STX16: variants seen among roughly 807,000 people sequenced by gnomAD.
STX16 encodes the protein syntaxin 16.
STX16 carries 28 observed loss-of-function variants against 42.7 expected under a neutral mutation model. That is an observed-to-expected ratio of 0.66 (90% CI 0.49 to 0.90). The LOEUF (loss-of-function observed/expected upper bound fraction) is 0.90, where lower values mean the gene tolerates loss of function less well. Ranked by LOEUF, STX16 falls within the 40% of genes least tolerant of loss-of-function variation. STX16 has a pLI of 0.00. For missense variants in STX16, 361 were observed against 420.9 expected, an observed-to-expected ratio of 0.86 and a Z score of 1.24; for synonymous variants, 156 against 155.2, an observed-to-expected ratio of 1.00 and a Z score of -0.04.
rs1219626410 is a variant in STX16, at chr20:58,668,259, G to T, written c.393+132G>T. 3.4e-6 allele frequency: 4 copies of T among 1,161,612 alleles called. No homozygotes were observed. The African/African-American group carries it at 4.7e-5, about 14-fold the overall frequency. The allele number at this position is 1,161,612 out of a possible 1,614,324, so 72.0% of individuals were successfully genotyped here. On this transcript the variant is annotated intron_variant, in intron 4 of 8. Coordinates refer to ENST00000371141, the MANE Select transcript of STX16 (RefSeq NM_001001433.3). ...GAAGTTCTCAGAGGGACCTCAAGAG[G>T]CCCTGAAGTCCTCCAGCTGTCAGCG...
chr20:58,668,232 C>G (rs2083884153), intron 4 of STX16, 105 bp downstream of exon 4: 2 of 1,446,224 alleles, frequency 1.4e-6, no homozygotes, highest in African/African-American at 2.8e-5. Flanking sequence ...ATTTCCCAAC[C>G]TGAAGTTCTC....
intron 7 of STX16, among the ~76,000 whole-genome samples, chr20:58,673,242 C>T (rs1052706575): frequency 6.6e-6 from 1 of 152,192 alleles, no homozygotes; most frequent in African/African-American, 2.4e-5. Flanking sequence ...GTGTTCTCTG[C>T]TTACTTGAAT....
At position 58,651,929 on chromosome 20, in the gene STX16, C is replaced by A; in HGVS notation, c.-78C>A. The stretch of plus-strand genomic sequence containing the variant: ...TCCGTGAAAGGGTGGGCCAGCCGGG[C>A]CACGAGAAAGAAAGTGAATAAATCA... On this transcript the variant is annotated 5_prime_UTR_variant, in exon 1 of 9. Coordinates refer to ENST00000371141, the MANE Select transcript of STX16 (RefSeq NM_001001433.3). 6.7e-7 allele frequency: 1 copy of A among 1,503,168 alleles called. No individual in the cohort carries two copies. Among genetic ancestry groups the A allele is most frequent in the Non-Finnish European group, 9.2e-7 (1 of 1,091,152 alleles). The allele number at this position is 1,503,168 out of a possible 1,614,324, so 93.1% of individuals were successfully genotyped here.
At chr20:58,659,537 T>C (rs111253344) in intron 1 of STX16, 86 bp from the exon 2 acceptor site, 1 of 1,419,472 alleles carries the variant, frequency 7.0e-7, no homozygotes, top group South Asian at 1.3e-5. Flanking sequence ...CAACTGACCA[T>C]GCCTTGTCTG....
At chr20:58,665,000 C>G (rs540780662) in intron 2 of STX16, among the ~76,000 whole-genome samples, 1 of 152,314 alleles carries the variant, frequency 6.6e-6, no homozygotes, top group South Asian at 2.1e-4. Flanking sequence ...AAGTTCTGTT[C>G]CAGTCCAGCA....
At chr20:58,653,241 G>C (rs757919030) in intron 1 of STX16, among the ~76,000 whole-genome samples, 1 of 152,186 alleles carries the variant, frequency 6.6e-6, no homozygotes, top group Non-Finnish European at 1.5e-5. Flanking sequence ...ACCTCTTAGG[G>C]ACTGTATTGC....
intron 2 of STX16, among the ~76,000 whole-genome samples, chr20:58,666,874 A>C (rs905047716): frequency 8.5e-5 from 13 of 152,256 alleles, no homozygotes; most frequent in Admixed American, 7.9e-4. Flanking sequence ...GTAAGATTGC[A>C]TTGAGATCTT....
In STX16 at chr20:58,676,368, G is replaced by C. The variant is rs1368912201; in HGVS notation, c.*77G>C. On this transcript the variant is annotated 3_prime_UTR_variant, in exon 9 of 9. Transcript: ENST00000371141. ...GGGCTTGGCCTGCGCCCCGCCAGCT[G>C]CCCGCAGAGGTGCAGCCTCGAGGAA... 3.0e-6 allele frequency: 4 copies of C among 1,315,506 alleles called. No individual in the cohort carries two copies. The Admixed American group carries it at 6.8e-5, about 22-fold the overall frequency. 81.5% of individuals were successfully genotyped at this position (1,315,506 alleles called of 1,614,324 possible).
At chr20:58,658,386 G>A (rs796516848) in intron 1 of STX16, among the ~76,000 whole-genome samples, 7 of 152,030 alleles carry the variant, frequency 4.6e-5, no homozygotes, top group African/African-American at 1.2e-4. Flanking sequence ...TATTAATATC[G>A]TCTAGTACTA....
chr20:58,667,483 C>T lies in STX16; in HGVS notation c.145-7C>T, dbSNP rs373134386. ...AATTTTTTTCATGTCCCTTTACTTTCCTGTAGCTTGCTGATGACCGTATGG... is the reference window on the plus strand; with the variant it reads ...AATTTTTTTCATGTCCCTTTACTTTTCTGTAGCTTGCTGATGACCGTATGG... On this transcript the variant is annotated splice_region_variant and splice_polypyrimidine_tract_variant and intron_variant, in intron 2 of 8. Transcript: ENST00000371141. 1 of 1,613,156 alleles carries T rather than the reference C, an allele frequency of 6.2e-7. No individual in the cohort carries two copies. The highest frequency in any genetic ancestry group is 8.5e-7 in the Non-Finnish European group (1 of 1,179,390).
intron 2 of STX16, among the ~76,000 whole-genome samples, chr20:58,666,676 G>A (rs1334010193): frequency 7.2e-5 from 11 of 152,082 alleles, no homozygotes; most frequent in Admixed American, 3.3e-4. Context: ...TGATCTGCCC[G>A]CCTTGGCCTC....
At chr20:58,670,655 C>T in intron 6 of STX16, 52 bp downstream of exon 6, 1 of 1,429,546 alleles carries the variant, frequency 7.0e-7, no homozygotes, top group Non-Finnish European at 9.9e-7. Flanking sequence ...CCCCATTCTG[C>T]ATCTTTCACC....
intron 2 of STX16, 34 bp downstream of exon 2, chr20:58,659,668 A>G: frequency 1.9e-6 from 3 of 1,610,320 alleles, no homozygotes; most frequent in Non-Finnish European, 2.5e-6. Flanking sequence ...TATGTTGGGT[A>G]ATTTGAGTTT....
intron 1 of STX16, among the ~76,000 whole-genome samples, chr20:58,653,086 T>G (rs531820004): frequency 3.9e-4 from 59 of 152,326 alleles, no homozygotes; most frequent in Admixed American, 9.8e-4. Flanking sequence ...AGTGAAGTTA[T>G]GAAACTGGCT....
chr20:58,667,733 GTTGTC>G, intron 3 of STX16, 136 bp downstream of exon 3: 1 of 897,876 alleles, frequency 1.1e-6, no homozygotes, highest in Non-Finnish European at 1.7e-6. Context: ...TTTAGGTTAA[GTTGTC>G]TATGTGTGTG....
At position 58,657,717 on chromosome 20, in the gene STX16, C is replaced by T. The variant is rs1463078370; in HGVS notation, c.133-1906C>T. ...GATGGTAATTCTAAATGTTTTAATTCAGGTCTTGACTAAATTTCCTGGTAA... is the reference window on the plus strand; with the variant it reads ...GATGGTAATTCTAAATGTTTTAATTTAGGTCTTGACTAAATTTCCTGGTAA... On this transcript the variant is annotated intron_variant, in intron 1 of 8. Coordinates refer to ENST00000371141, the MANE Select transcript of STX16 (RefSeq NM_001001433.3). The surrounding 1 kb of genome is among the most constrained non-coding windows in gnomAD (Gnocchi z 4.2). 6.6e-6 allele frequency among the ~76,000 whole-genome samples: 1 copy of T among 152,300 alleles called. No individual in the cohort carries two copies. The highest frequency in any genetic ancestry group is 6.5e-5 in the Admixed American group (1 of 15,298).
At chr20:58,671,434 G>A (rs1568827596) in intron 7 of STX16, 137 bp downstream of exon 7, 2 of 271,454 alleles carry the variant, frequency 7.4e-6, no homozygotes, top group East Asian at 4.3e-5. Context: ...TTATGTGTGT[G>A]TGGGTGTGTG....
In STX16 at chr20:58,673,767, A is replaced by G. The variant is rs1241481086; in HGVS notation, c.873+56A>G. 3.1e-6 allele frequency: 4 copies of G among 1,302,024 alleles called. No individual in the cohort carries two copies. The African/African-American group carries it at 5.8e-5, about 19-fold the overall frequency. 80.7% of individuals were successfully genotyped at this position (1,302,024 alleles called of 1,614,324 possible). On this transcript the variant is annotated intron_variant, in intron 8 of 8. Coordinates refer to ENST00000371141, the MANE Select transcript of STX16 (RefSeq NM_001001433.3). ...AGGAACTATTTTCAAATAATCAAGAATTGGTAAGAGGGTTCTTTTCCACCA... is the reference window on the plus strand; with the variant it reads ...AGGAACTATTTTCAAATAATCAAGAGTTGGTAAGAGGGTTCTTTTCCACCA...
intron 8 of STX16, among the ~76,000 whole-genome samples, chr20:58,674,481 C>T (rs1394754540): frequency 2.0e-5 from 3 of 152,132 alleles, no homozygotes; most frequent in Non-Finnish European, 4.4e-5. Context: ...AGTTTCTAGC[C>T]ATATAATGAG....
Sources: allele counts gnomAD v4.1 joint callset (sites outside exome capture counted in the v4.1 genomes callset), GRCh38; gene constraint gnomAD v4.1.1; non-coding constraint Gnocchi (gnomAD v3.1); transcripts MANE v1.5; gene names NCBI Gene and HGNC (gene_info 2026-07-23, HGNC 2026-07-21).